Variants in GABRB3 observed in about 807,000 individuals in gnomAD.
GABRB3 encodes gamma-aminobutyric acid type A receptor subunit beta3, also known as gamma-aminobutyric acid receptor subunit beta-3.
GABRB3 carries 14 observed loss-of-function variants against 52.1 expected under a neutral mutation model. The observed-to-expected ratio is 0.27, with a 90% CI of 0.18 to 0.42. The LOEUF is 0.42. GABRB3 is among the 10% of genes least tolerant of loss of function. GABRB3 has a pLI of 1.00. For synonymous variants in GABRB3, 260 were observed against 232.3 expected (o/e 1.12, Z -1.08); for missense variants, 307 against 609.1 (o/e 0.50, Z 5.22).
In GABRB3 at chr15:26,547,891, G is replaced by C; in HGVS notation, c.1324C>G (p.Leu442Val). The C allele has an allele frequency of 6.2e-7, 1 of 1,614,180 alleles. No individual in the cohort carries two copies. The highest frequency in any genetic ancestry group is 8.5e-7 in the Non-Finnish European group (1 of 1,180,026). The change falls in exon 9 of 9, where the codon CTA (leucine) becomes GTA (valine). Residue 442 changes from leucine to valine, a missense_variant. Leu to Val is a conservative substitution (Grantham distance 32). This residue lies in a region of GABRB3 where 115 missense variants were observed against 166.9 expected (regional missense o/e 0.69). Transcript: ENST00000311550. Reference sequence around the variant, plus strand: ...CTGTCTATGGCATTCACATCGGTTAGATCAGGTATTTTAATTTTGAGCTGT... The same window carrying C: ...CTGTCTATGGCATTCACATCGGTTACATCAGGTATTTTAATTTTGAGCTGT... ...SSQLKIKIPD[L>V]TDVNAIDRWS... is the part of the protein sequence containing the mutation.
intron 3 of GABRB3, among the ~76,000 whole-genome samples, chr15:26,674,431 A>AAAGGAAAGGAAAGGAAAGGAAAG (rs1595523270): frequency 6.4e-5 from 6 of 94,068 alleles, no homozygotes; most frequent in South Asian, 3.5e-4. Flanking sequence ...AGAAAAGAAA[A>AAAGGAAAGGAAAGGAAAGGAAAG]GAAAGGAAAG....
intron 3 of GABRB3, among the ~76,000 whole-genome samples, chr15:26,673,951 C>G (rs753845831): frequency 3.9e-5 from 6 of 152,150 alleles, no homozygotes; most frequent in African/African-American, 1.4e-4. Context: ...AAGATATATA[C>G]GCCTAACATT....
chr15:26,645,407 T>G (rs768496493), intron 3 of GABRB3, among the ~76,000 whole-genome samples: 9 of 152,192 alleles, frequency 5.9e-5, no homozygotes, highest in Non-Finnish European at 1.2e-4. Context: ...ATATAGCCTT[T>G]CGAGGTAGGA....
intron 3 of GABRB3, among the ~76,000 whole-genome samples, chr15:26,637,008 A>C (rs1471592017): frequency 1.3e-5 from 2 of 152,168 alleles, no homozygotes; most frequent in African/African-American, 4.8e-5. Flanking sequence ...AGCAACCAGA[A>C]TGATTAATGA....
At chr15:26,722,635 C>A (rs1266106814) in intron 3 of GABRB3, among the ~76,000 whole-genome samples, 2 of 152,338 alleles carry the variant, frequency 1.3e-5, no homozygotes, top group South Asian at 4.1e-4. Flanking sequence ...TAAGTATCTT[C>A]TTGGCAACAC....
rs1162390675 is a variant in GABRB3 at position 26,583,330 on chromosome 15, A to G, written c.544+2T>C. ...GAAAGAAACACAGATACGGATACAC[A>G]CAGCTTTCAATTTCCAGAGTGCAGT... On this transcript the variant is annotated splice_donor_variant, in intron 5 of 8. Transcript: ENST00000311550. LOFTEE classifies it high-confidence loss of function. 6.2e-7 allele frequency: 1 copy of G among 1,610,100 alleles called. No homozygotes were observed. Among genetic ancestry groups the G allele is most frequent in the African/African-American group, 1.3e-5 (1 of 74,806 alleles).
At chr15:26,606,663 AAAAG>A (rs1360232413) in intron 4 of GABRB3, among the ~76,000 whole-genome samples, 2 of 149,304 alleles carry the variant, frequency 1.3e-5, no homozygotes, top group Non-Finnish European at 1.5e-5. Flanking sequence ...GCAATTAGGC[AAAAG>A]AAAGAAAGAA....
chr15:26,603,968 GGAA>G (rs1891678309), intron 4 of GABRB3, among the ~76,000 whole-genome samples: 1 of 152,000 alleles, frequency 6.6e-6, no homozygotes, highest in African/African-American at 2.4e-5. Context: ...AAATTAGAAA[GGAA>G]GAAGTCAAAT....
At chr15:26,686,250 C>A (rs7172564) in intron 3 of GABRB3, among the ~76,000 whole-genome samples, 1 of 152,096 alleles carries the variant, frequency 6.6e-6, no homozygotes, top group East Asian at 1.9e-4. Context: ...CAGCTCTAAG[C>A]TGGTTCTTAT....
At chr15:26,662,090 C>T (rs1165126073) in intron 3 of GABRB3, among the ~76,000 whole-genome samples, 1 of 152,158 alleles carries the variant, frequency 6.6e-6, no homozygotes, top group Non-Finnish European at 1.5e-5. Flanking sequence ...AAACACAATC[C>T]CTTTGAATGA....
intron 3 of GABRB3, among the ~76,000 whole-genome samples, chr15:26,693,690 GGAGA>G (rs145068737): frequency 2.6e-5 from 4 of 151,830 alleles, no homozygotes; most frequent in African/African-American, 2.4e-5. Context: ...CCTGAAAACT[GGAGA>G]GAGAGAGAGA....
chr15:26,603,620 T>C (rs569417533), intron 4 of GABRB3, among the ~76,000 whole-genome samples: 13 of 152,222 alleles, frequency 8.5e-5, no homozygotes, highest in African/African-American at 2.9e-4. Context: ...TGGTTCAACA[T>C]ATGCAAATTA....
At chr15:26,659,487 A>G (rs1209402303) in intron 3 of GABRB3, among the ~76,000 whole-genome samples, 1 of 152,176 alleles carries the variant, frequency 6.6e-6, no homozygotes, top group African/African-American at 2.4e-5. Flanking sequence ...GTGCCACTGC[A>G]CTCCAGCCTA....
chr15:26,680,963 T>C (rs1888221142), intron 3 of GABRB3, among the ~76,000 whole-genome samples: 1 of 152,196 alleles, frequency 6.6e-6, no homozygotes, highest in Non-Finnish European at 1.5e-5. Context: ...CTTGCAATTG[T>C]AGCAGCCATG....
intron 3 of GABRB3, among the ~76,000 whole-genome samples, chr15:26,680,541 C>T (rs1888207583): frequency 6.6e-6 from 1 of 152,220 alleles, no homozygotes; most frequent in South Asian, 2.1e-4. Context: ...CATGGGAACA[C>T]TGTTCGATAT....
intron 3 of GABRB3, among the ~76,000 whole-genome samples, chr15:26,679,199 C>T (rs1408642828): frequency 2.3e-4 from 35 of 152,164 alleles, no homozygotes; most frequent in Admixed American, 2.3e-3. Context: ...AAAACATTAA[C>T]TCTTTTGGGG....
chr15:26,578,999 A>C (rs1890692814), intron 6 of GABRB3, among the ~76,000 whole-genome samples: 1 of 152,232 alleles, frequency 6.6e-6, no homozygotes, highest in African/African-American at 2.4e-5. Context: ...GGTGGAGGAT[A>C]AAGTGGCACT....
At chr15:26,689,261 A>G (rs1358183763) in intron 3 of GABRB3, among the ~76,000 whole-genome samples, 1 of 152,224 alleles carries the variant, frequency 6.6e-6, no homozygotes, top group East Asian at 1.9e-4. Context: ...GAAAAGGGAC[A>G]GCAAACGTGT....
At chr15:26,731,962 G>T (rs1452043072) in intron 3 of GABRB3, among the ~76,000 whole-genome samples, 1 of 152,206 alleles carries the variant, frequency 6.6e-6, no homozygotes, top group Non-Finnish European at 1.5e-5. Context: ...ACAGATAGGT[G>T]AATTGATGAT....
Sources: gnomAD v4.1 joint callset for allele counts (sites outside exome capture counted in the v4.1 genomes callset) on GRCh38, gnomAD v4.1.1 for gene constraint, gnomAD v4.1.1 regional missense constraint, MANE v1.5 for transcripts, NCBI Gene and HGNC (gene_info 2026-07-23, HGNC 2026-07-21) for gene names.